GALNTL5: variants seen among roughly 807,000 people sequenced by gnomAD.
GALNTL5 encodes inactive polypeptide N-acetylgalactosaminyltransferase-like protein 5.
In GALNTL5, 44 loss-of-function variants were observed where a neutral mutation model predicts 51.0. The ratio of observed to expected loss-of-function variants is 0.86; its 90% CI spans 0.68 to 1.11. GALNTL5 has a LOEUF of 1.11. GALNTL5 is among the 50% of genes least tolerant of loss of function. GALNTL5 has a pLI of 0.00. For missense variants in GALNTL5, 528 were observed against 531.8 expected (o/e 0.99, Z 0.07); for synonymous variants, 192 against 182.8 (o/e 1.05, Z -0.41).
intron 5 of GALNTL5, among the ~76,000 whole-genome samples, chr7:151,987,900 G>C (rs1476571861): frequency 1.3e-5 from 2 of 152,200 alleles, no homozygotes; most frequent in Non-Finnish European, 2.9e-5. Flanking sequence ...AATGGGACCG[G>C]GTGGCGCATC....
intron 5 of GALNTL5, among the ~76,000 whole-genome samples, chr7:151,996,134 T>G (rs2081496429): frequency 6.6e-6 from 1 of 152,158 alleles, no homozygotes; most frequent in South Asian, 2.1e-4. Context: ...CAAAAACTGG[T>G]CATACGCTTA....
At chr7:151,965,004 G>A (rs539365126) in intron 1 of GALNTL5, among the ~76,000 whole-genome samples, 49 of 152,082 alleles carry the variant, frequency 3.2e-4, no homozygotes, top group African/African-American at 1.1e-3. Context: ...TTAGCCCCAA[G>A]TTTTCCTTTG....
chr7:151,980,846 C>G (rs570100627), intron 3 of GALNTL5, among the ~76,000 whole-genome samples: 1 of 138,354 alleles, frequency 7.2e-6, no homozygotes, highest in Admixed American at 7.5e-5. Context: ...CCTGGGTTCA[C>G]GCCATTCTCC....
At chr7:151,979,470 G>T (rs570418513) in intron 3 of GALNTL5, among the ~76,000 whole-genome samples, 1 of 149,228 alleles carries the variant, frequency 6.7e-6, no homozygotes, top group East Asian at 2.0e-4. Context: ...TTTTTGGTGG[G>T]GGGAGGGGGG....
intron 6 of GALNTL5, among the ~76,000 whole-genome samples, chr7:152,003,248 A>G (rs889857860): frequency 6.6e-6 from 1 of 152,178 alleles, no homozygotes; most frequent in African/African-American, 2.4e-5. Flanking sequence ...CAGGAGCAAT[A>G]TTTCATTTGA....
At chr7:152,002,684 A>T in intron 5 of GALNTL5, 30 bp from the exon 6 acceptor site, 1 of 1,607,744 alleles carries the variant, frequency 6.2e-7, no homozygotes, top group Non-Finnish European at 8.5e-7. Flanking sequence ...AGCTATGTGG[A>T]CTAACATTGC....
At chr7:152,014,548 A>G (rs2081780432) in intron 7 of GALNTL5, 96 bp from the exon 8 acceptor site, 4 of 1,247,030 alleles carry the variant, frequency 3.2e-6, no homozygotes, top group Non-Finnish European at 4.4e-6. Context: ...GATTACAGGC[A>G]TGAGCCACCG....
intron 1 of GALNTL5, 72 bp downstream of exon 1, chr7:151,956,681 G>A (rs1043331942): frequency 6.6e-6 from 1 of 152,148 alleles, no homozygotes; most frequent in South Asian, 2.1e-4. Flanking sequence ...CTTTGAATCA[G>A]CGGAAGCAGT....
chr7:152,019,341 A>C (rs544346049), intron 8 of GALNTL5, among the ~76,000 whole-genome samples: 29 of 152,340 alleles, frequency 1.9e-4, no homozygotes, highest in Admixed American at 3.3e-4. Context: ...GTATTGTTGA[A>C]AAAACAGGAG....
At chr7:152,012,154 C>T (rs7808728) in intron 7 of GALNTL5, among the ~76,000 whole-genome samples, 3,522 of 152,274 alleles carry the variant, frequency 0.023, 132 homozygotes, top group African/African-American at 0.081. Flanking sequence ...TGTGTGCTCA[C>T]GATCCATTGG....
chr7:152,012,344 T>G (rs1343439201), intron 7 of GALNTL5, among the ~76,000 whole-genome samples: 1 of 152,122 alleles, frequency 6.6e-6, no homozygotes, highest in Non-Finnish European at 1.5e-5. Context: ...AAAACTGGTG[T>G]TAGCCAGTCA....
intron 8 of GALNTL5, among the ~76,000 whole-genome samples, chr7:152,018,884 T>G (rs2081852972): frequency 2.0e-5 from 3 of 152,156 alleles, no homozygotes; most frequent in African/African-American, 7.2e-5. Context: ...TTCAACACTA[T>G]CACTACCCTG....
At chr7:151,993,324 A>T (rs2081451171) in intron 5 of GALNTL5, among the ~76,000 whole-genome samples, 1 of 152,188 alleles carries the variant, frequency 6.6e-6, no homozygotes, top group East Asian at 1.9e-4. Flanking sequence ...CATAGAACAA[A>T]TTGTATGGTT....
At chr7:151,986,886 C>T (rs978776981) in intron 4 of GALNTL5, among the ~76,000 whole-genome samples, 7 of 151,040 alleles carry the variant, frequency 4.6e-5, no homozygotes, top group African/African-American at 1.2e-4. Flanking sequence ...CCACTATGCC[C>T]GGCTAATTTT....
chr7:151,959,428 A>G (rs1457984515), intron 1 of GALNTL5, among the ~76,000 whole-genome samples: 1 of 152,248 alleles, frequency 6.6e-6, no homozygotes, highest in East Asian at 1.9e-4. Context: ...TTCTCTTTAT[A>G]TATTTGATAC....
intron 4 of GALNTL5, among the ~76,000 whole-genome samples, chr7:151,983,887 G>C (rs1339077937): frequency 6.6e-6 from 1 of 152,186 alleles, no homozygotes; most frequent in Non-Finnish European, 1.5e-5. Context: ...GTATAGAGTT[G>C]CAGGGGGGAG....
intron 2 of GALNTL5, among the ~76,000 whole-genome samples, chr7:151,969,070 T>G (rs1421806713): frequency 1.3e-5 from 2 of 152,248 alleles, no homozygotes; most frequent in African/African-American, 2.4e-5. Context: ...GTTTGCCTTT[T>G]TATTCTCTTT....
intron 5 of GALNTL5, among the ~76,000 whole-genome samples, chr7:152,001,451 G>A (rs927130101): frequency 2.0e-5 from 3 of 152,084 alleles, no homozygotes; most frequent in African/African-American, 7.2e-5. Flanking sequence ...ATATGAGGTA[G>A]GGGTCTAACT....
In GALNTL5 at chr7:152,013,136, G is replaced by A. The variant is rs1376561671; in HGVS notation, c.1027-1508G>A. Among the ~76,000 whole-genome samples the A allele has an allele frequency of 7.9e-5, 12 of 152,204 alleles. No individual in the cohort carries two copies. In the East Asian group the frequency reaches 2.3e-3, roughly 29 times the overall value. On this transcript the variant is annotated intron_variant, in intron 7 of 8. Coordinates refer to ENST00000392800, the MANE Select transcript of GALNTL5 (RefSeq NM_145292.4). ...TGCATGTTCTTATTTACAAGTGAGA[G>A]CTAAACATTGTACATGGACACAAAG...
Sources: gnomAD v4.1 joint callset for allele counts (sites outside exome capture counted in the v4.1 genomes callset) on GRCh38, gnomAD v4.1.1 for gene constraint, MANE v1.5 for transcripts, NCBI Gene and HGNC (gene_info 2026-07-23, HGNC 2026-07-21) for gene names.